RIF1: variants seen among roughly 807,000 people sequenced by gnomAD.
The protein encoded by RIF1 is replication timing regulatory factor 1.
In RIF1, 45 loss-of-function variants were observed where a neutral mutation model predicts 247.1. The observed-to-expected ratio is 0.18, with a 90% confidence interval of 0.14 to 0.23. The LOEUF (loss-of-function observed/expected upper bound fraction) is 0.23, where lower values mean the gene tolerates loss of function less well. Ranked by LOEUF, RIF1 falls within the 10% of genes least tolerant of loss-of-function variation. RIF1 has a pLI of 1.00. For missense variants in RIF1, 2,967 were observed against 2,862.5 expected (o/e 1.04, Z -0.83); for synonymous variants, 1,087 against 978.8 (o/e 1.11, Z -2.06).
intron 9 of RIF1, chr2:151,494,379 A>G (rs1194376388): frequency 4.5e-6 from 3 of 670,210 alleles, no homozygotes; most frequent in South Asian, 3.5e-5. Context: ...ATTAGGTTAG[A>G]TGGAAAGTAG....
chr2:151,410,432 C>T lies in RIF1; in HGVS notation c.9C>T (p.Ala3=), dbSNP rs1470161445. 1.2e-6 allele frequency: 2 copies of T among 1,612,526 alleles called. No homozygotes were observed. The highest frequency in any genetic ancestry group is 2.2e-5 in the South Asian group (2 of 90,914). ...GCCTCAGGGTGGCCGACATGACGGC[C>T]AGGGGTCAGAGCCCCCTCGCGCCGC... MT[A]RGQSPLAPLL... Residue 3 remains alanine (A), a synonymous_variant, in exon 2 of 36, where the codon GCC becomes GCT. Transcript: ENST00000444746.
chr2:151,501,600 C>G (rs2064620910), intron 11 of RIF1: 1 of 496,708 alleles, frequency 2.0e-6, no homozygotes, highest in African/African-American at 2.0e-5. Context: ...GATGAAGTAC[C>G]TCAGTAACTT....
chr2:151,414,782 A>C (rs752055322), intron 3 of RIF1, 41 bp from the exon 4 acceptor site: 2 of 1,397,908 alleles, frequency 1.4e-6, no homozygotes, highest in Admixed American at 3.7e-5. Flanking sequence ...ATTGATTTAC[A>C]GTTGTGCTTG....
At chr2:151,454,074 A>T (rs2152453302) in intron 21 of RIF1, among the ~76,000 whole-genome samples, 1 of 152,296 alleles carries the variant, frequency 6.6e-6, no homozygotes, top group Non-Finnish European at 1.5e-5. Flanking sequence ...AGTGTACATA[A>T]ATGTCTGAAA....
downstream of RIF1, chr2:151,485,869 C>T (rs1293067674): frequency 1.2e-6 from 2 of 1,613,970 alleles, no homozygotes; most frequent in South Asian, 2.2e-5. Context: ...GATGGCATCT[C>T]CATCCTTGAA....
chr2:151,514,913 C>A, the RIF1 span: 1 of 1,568,642 alleles, frequency 6.4e-7, no homozygotes, highest in Non-Finnish European at 8.7e-7. Context: ...TCTTCATAAT[C>A]TTTCCTATAT....
the RIF1 span, chr2:151,530,864 G>T: frequency 3.4e-5 from 21 of 616,208 alleles, no homozygotes; most frequent in Non-Finnish European, 5.5e-5. Flanking sequence ...CAAAAGAGAT[G>T]ACTATTATTT....
chr2:151,427,413 A>G (rs957498703), intron 8 of RIF1, among the ~76,000 whole-genome samples: 5 of 149,172 alleles, frequency 3.4e-5, no homozygotes, highest in Non-Finnish European at 7.4e-5. Context: ...GTTTCTCCAT[A>G]TTGGTCAGGC....
rs530729420 is a variant in RIF1, at chr2:151,473,914, TTTG to T, written c.7096-35_7096-33del. 372 of 916,286 alleles carry T rather than the reference TTTG, an allele frequency of 4.1e-4. 2 individuals are homozygous for T. Among genetic ancestry groups the T allele is most frequent in the African/African-American group, 2.2e-3 (136 of 61,186 alleles). The allele number at this position is 916,286 out of a possible 1,614,324, so 56.8% of individuals were successfully genotyped here. On this transcript the variant is annotated intron_variant, in intron 34 of 35. Transcript: ENST00000444746. ...ACTCCTATTAAAAGTAAAGTTTCAATTTGTTGTTGTTGTTGTTTTGCGTTTTTT... is the reference window on the plus strand; with the variant it reads ...ACTCCTATTAAAAGTAAAGTTTCAATTTGTTGTTGTTGTTTTGCGTTTTTT...
At chr2:151,528,635 C>T in the RIF1 span, among the ~76,000 whole-genome samples, 1 of 152,116 alleles carries the variant, frequency 6.6e-6, no homozygotes, top group South Asian at 2.1e-4. Flanking sequence ...GGTACTAATT[C>T]GGTTACAATG....
At chr2:151,458,332 A>G (rs1198448473) in intron 24 of RIF1, among the ~76,000 whole-genome samples, 2 of 148,046 alleles carry the variant, frequency 1.4e-5, no homozygotes, top group East Asian at 4.0e-4. Flanking sequence ...TCCCGGGTTC[A>G]AGCGATTCTC....
At chr2:151,501,826 A>G (rs147474831) in intron 11 of RIF1, among the ~76,000 whole-genome samples, 1 of 151,948 alleles carries the variant, frequency 6.6e-6, no homozygotes, top group Non-Finnish European at 1.5e-5. Flanking sequence ...TAGGGAACCA[A>G]AGAAAGAGGA....
intron 12 of RIF1, chr2:151,503,302 A>C: frequency 7.1e-7 from 1 of 1,403,606 alleles, no homozygotes; most frequent in Non-Finnish European, 1.0e-6. Flanking sequence ...TTATTGTGGT[A>C]AATTTTTTAT....
chr2:151,494,532 C>T (rs531018317), intron 9 of RIF1, among the ~76,000 whole-genome samples: 13 of 152,294 alleles, frequency 8.5e-5, no homozygotes, highest in African/African-American at 3.1e-4. Context: ...CCGCTAGTCT[C>T]TCAATGTCAA....
chr2:151,435,652 T>G, intron 11 of RIF1, 72 bp downstream of exon 11: 1 of 765,524 alleles, frequency 1.3e-6, no homozygotes, highest in Non-Finnish European at 2.1e-6. Flanking sequence ...AGTTTTGAAG[T>G]AGGAAAAAAA....
At position 151,507,786 on chromosome 2, in the gene RIF1, A is replaced by G. The variant is rs117652649; in HGVS notation, c.*1085A>G. The G allele has an allele frequency of 2.8e-3, 1,489 of 522,730 alleles. 20 individuals carry two copies. The East Asian group carries it at 0.03, about 10-fold the overall frequency. The allele number at this position is 522,730 out of a possible 1,614,324, so 32.4% of individuals were successfully genotyped here. A position where few individuals can be genotyped will look rare whatever the true frequency, so the allele number is the denominator to read the frequency against. ...GAAAAGATACTATATTTTCTCCCCA[A>G]TACCACCAACGAAGTAACAGATGAG... On this transcript the variant is annotated 3_prime_UTR_variant and NMD_transcript_variant, in exon 14 of 14. Coordinates refer to the RIF1 transcript ENST00000454583.
chr2:151,495,725 A>T (rs1365188307), intron 10 of RIF1, among the ~76,000 whole-genome samples: 1 of 116,972 alleles, frequency 8.5e-6, no homozygotes. Flanking sequence ...CATTCTGGTG[A>T]CACTTTCATT....
intron 9 of RIF1, among the ~76,000 whole-genome samples, chr2:151,430,750 T>C (rs550679336): frequency 1.5e-5 from 2 of 130,368 alleles, no homozygotes; most frequent in South Asian, 5.1e-4. Context: ...CCTCCTGGGC[T>C]CCAGTGATCC....
the RIF1 span, among the ~76,000 whole-genome samples, chr2:151,517,643 T>C: frequency 3.3e-5 from 5 of 152,220 alleles, 1 homozygote; most frequent in Non-Finnish European, 7.3e-5. Context: ...ACCTAGGCTA[T>C]ATGGTATGGC....
Sources: gnomAD v4.1 joint callset for allele counts (sites outside exome capture counted in the v4.1 genomes callset) on GRCh38, gnomAD v4.1.1 for gene constraint, MANE v1.5 for transcripts, NCBI Gene and HGNC (gene_info 2026-07-23, HGNC 2026-07-21) for gene names.